Variants in KCNQ1 observed in about 807,000 individuals in gnomAD.
KCNQ1 encodes the protein potassium voltage-gated channel subfamily KQT member 1.
KCNQ1 carries 49 observed loss-of-function variants against 72.4 expected under a neutral mutation model. The observed-to-expected ratio is 0.68, with a 90% CI of 0.54 to 0.86. The LOEUF (loss-of-function observed/expected upper bound fraction) is 0.86. Ranked by LOEUF, KCNQ1 falls within the 40% of genes least tolerant of loss-of-function variation. The probability of loss-of-function intolerance (pLI) is 0.00; values close to 1 mark genes in which losing one functional copy is unlikely to be tolerated. For missense variants in KCNQ1, 790 were observed against 945.1 expected (o/e 0.84, Z 2.15); for synonymous variants, 450 against 412.6 (o/e 1.09, Z -1.10).
chr11:2,792,634 G>A (rs956590264), intron 15 of KCNQ1, among the ~76,000 whole-genome samples: 2 of 152,016 alleles, frequency 1.3e-5, no homozygotes, highest in Non-Finnish European at 2.9e-5. Flanking sequence ...AGGGCACAGC[G>A]GTTGTGGGGT....
intron 11 of KCNQ1, among the ~76,000 whole-genome samples, chr11:2,705,641 A>C (rs1349535586): frequency 6.6e-6 from 1 of 152,040 alleles, no homozygotes; most frequent in African/African-American, 2.4e-5. Flanking sequence ...GCTGCCCCCC[A>C]GCCAAGAACA....
rs755963890 is a variant in KCNQ1 at position 2,451,595 on chromosome 11, C to G, written c.386+6111C>G. Among the ~76,000 whole-genome samples, 1 of 152,150 alleles carries G rather than the reference C, an allele frequency of 6.6e-6. No homozygotes were observed. The highest frequency in any genetic ancestry group is 1.5e-5 in the Non-Finnish European group (1 of 68,024). On this transcript the variant is annotated intron_variant, in intron 1 of 15. Transcript: ENST00000155840. This position sits in a 1 kb window ranked among gnomAD's most constrained non-coding sequence, Gnocchi z 6.4. ...AAAGGCTCCCAGGAGGGTCGTGGCT[C>G]CCTCATCGGCACCGGACTCTCAGGA...
Position 2,454,222 on chromosome 11 carries a change from C to CG in KCNQ1, c.386+8746dup, listed in dbSNP as rs553611402. On this transcript the variant is annotated intron_variant, in intron 1 of 15. Coordinates refer to ENST00000155840, the MANE Select transcript of KCNQ1 (RefSeq NM_000218.3). ...TTAAAAGTTTACCTCAAAAGGGTGG[C>CG]GGGGGGGGAGGTGGCATATGGAATC... 1.5e-3 allele frequency among the ~76,000 whole-genome samples: 228 copies of CG among 150,016 alleles called. No individual in the cohort carries two copies. In the South Asian group the frequency reaches 0.024, roughly 16 times the overall value.
chr11:2,554,483 G>T (rs77914331), intron 2 of KCNQ1, among the ~76,000 whole-genome samples: 1,749 of 152,332 alleles, frequency 0.011, 36 homozygotes, highest in African/African-American at 0.04. Flanking sequence ...TGTGGGGTTT[G>T]CAGACCTCTG....
At chr11:2,586,068 G>A (rs1410656610) in intron 8 of KCNQ1, among the ~76,000 whole-genome samples, 2 of 152,220 alleles carry the variant, frequency 1.3e-5, no homozygotes, top group Admixed American at 6.5e-5. Context: ...AGGAACAGCC[G>A]CTGAGGTGCC....
intron 10 of KCNQ1, among the ~76,000 whole-genome samples, 165 bp downstream of exon 10, chr11:2,589,019 G>T (rs1411269384): frequency 2.6e-5 from 4 of 152,196 alleles, no homozygotes; most frequent in Non-Finnish European, 5.9e-5. Flanking sequence ...AACCTTCCAG[G>T]TGCCTTCCCC....
chr11:2,503,227 T>C (rs926444054), intron 1 of KCNQ1, among the ~76,000 whole-genome samples: 1 of 151,826 alleles, frequency 6.6e-6, no homozygotes, highest in Non-Finnish European at 1.5e-5. Flanking sequence ...AAGGAAACAA[T>C]GAGACAGCCT....
At chr11:2,450,000 C>G (rs1172348796) in intron 1 of KCNQ1, among the ~76,000 whole-genome samples, 1 of 152,178 alleles carries the variant, frequency 6.6e-6, no homozygotes, top group Non-Finnish European at 1.5e-5. Flanking sequence ...GCCACCGGTC[C>G]CTGTAGCCAA....
intron 1 of KCNQ1, among the ~76,000 whole-genome samples, chr11:2,512,566 C>A (rs1847227610): frequency 6.6e-6 from 1 of 152,226 alleles, no homozygotes. Flanking sequence ...GTTGAAGTGT[C>A]CCGCAGTGGC....
In KCNQ1 at chr11:2,808,053, G is replaced by T. The variant is rs1397952841; in HGVS notation, c.1794+30016G>T. Among the ~76,000 whole-genome samples the T allele has an allele frequency of 6.6e-6, 1 of 152,210 alleles. No homozygotes were observed. The highest frequency in any genetic ancestry group is 1.5e-5 in the Non-Finnish European group (1 of 68,038). ...CTCCCCACTGAGCACCTGGCCCAGT[G>T]CCCGGCACGTGGCAAGTGAAGGCGG... On this transcript the variant is annotated intron_variant, in intron 15 of 15. Transcript: ENST00000155840. The surrounding 1 kb of genome is among the most constrained non-coding windows in gnomAD (Gnocchi z 6.0).
chr11:2,580,202 C>T (rs761895355), intron 6 of KCNQ1, among the ~76,000 whole-genome samples: 3 of 151,974 alleles, frequency 2.0e-5, no homozygotes, highest in Non-Finnish European at 2.9e-5. Flanking sequence ...GCCGCCCAGC[C>T]CCCCTCAGGC....
At chr11:2,640,958 A>C (rs1181314184) in intron 10 of KCNQ1, 1 of 398,492 alleles carries the variant, frequency 2.5e-6, no homozygotes, top group African/African-American at 2.1e-5. Context: ...TAAAATAATG[A>C]CCTCCAGCTC....
At position 2,670,305 on chromosome 11, in the gene KCNQ1, G is replaced by C. The variant is rs147023822; in HGVS notation, c.1514+8224G>C. 365 of 398,594 alleles carry C rather than the reference G, an allele frequency of 9.2e-4. No homozygotes were observed. The highest frequency in any genetic ancestry group is 7.0e-3 in the African/African-American group (342 of 48,728). The allele number at this position is 398,594 out of a possible 1,614,324, so 24.7% of individuals were successfully genotyped here. A position where few individuals can be genotyped will look rare whatever the true frequency, so the allele number is the denominator to read the frequency against. On this transcript the variant is annotated intron_variant, in intron 11 of 15. Transcript: ENST00000155840. This position sits in a 1 kb window ranked among gnomAD's most constrained non-coding sequence, Gnocchi z 4.9. ...AGGCAACCCATAGGTGCCCAATGGA[G>C]AGATAATCTCAAATATGGTAGCAGA...
Position 2,785,776 on chromosome 11 carries a change from C to T in KCNQ1, c.1794+7739C>T, listed in dbSNP as rs1846899436. Among the ~76,000 whole-genome samples, 1 of 151,912 alleles carries T rather than the reference C, an allele frequency of 6.6e-6. No individual in the cohort carries two copies. Among genetic ancestry groups the T allele is most frequent in the Non-Finnish European group, 1.5e-5 (1 of 67,864 alleles). On this transcript the variant is annotated intron_variant, in intron 15 of 15. Coordinates refer to ENST00000155840, the MANE Select transcript of KCNQ1 (RefSeq NM_000218.3). This position sits in a 1 kb window ranked among gnomAD's most constrained non-coding sequence, Gnocchi z 4.4. The stretch of plus-strand genomic sequence containing the variant: ...ACTTCTCATTCTACTTTTCTCTCTA[C>T]TGGTTTTGAAGTTATGTATTCTACT...
chr11:2,549,494 C>A lies in KCNQ1; in HGVS notation c.478-21134C>A, dbSNP rs1399003465. Among the ~76,000 whole-genome samples the A allele has an allele frequency of 6.6e-6, 1 of 152,176 alleles. No individual in the cohort carries two copies. Among genetic ancestry groups the A allele is most frequent in the African/African-American group, 2.4e-5 (1 of 41,452 alleles). On this transcript the variant is annotated intron_variant, in intron 2 of 15. Coordinates refer to ENST00000155840, the MANE Select transcript of KCNQ1 (RefSeq NM_000218.3). The surrounding 1 kb of genome is among the most constrained non-coding windows in gnomAD (Gnocchi z 6.2). The stretch of plus-strand genomic sequence containing the variant: ...GACATGGGGCCCTCGAGGAGGGTCC[C>A]CCGGGGGCTGCAAAAGCAGAGGGAG...
intron 15 of KCNQ1, among the ~76,000 whole-genome samples, chr11:2,806,788 C>T (rs1847382045): frequency 6.6e-6 from 1 of 152,236 alleles, no homozygotes; most frequent in South Asian, 2.1e-4. Context: ...CCCCTCCCCG[C>T]CCCTCTCTTG....
At chr11:2,730,614 G>A (rs1471508000) in intron 11 of KCNQ1, among the ~76,000 whole-genome samples, 6 of 152,212 alleles carry the variant, frequency 3.9e-5, no homozygotes, top group Admixed American at 6.5e-5. Flanking sequence ...GGAGGCCCCA[G>A]GAGGCAGGTG....
intron 2 of KCNQ1, among the ~76,000 whole-genome samples, chr11:2,533,232 C>G (rs571519450): frequency 1.2e-4 from 18 of 152,342 alleles, no homozygotes; most frequent in African/African-American, 4.1e-4. Context: ...CTAAGGAAAC[C>G]CCAGCGCGGC....
At chr11:2,609,040 A>G (rs1429020277) in intron 10 of KCNQ1, 1 of 397,782 alleles carries the variant, frequency 2.5e-6, no homozygotes, top group East Asian at 3.6e-5. Context: ...TTCTACTCTA[A>G]TATTTATTAT....
Sources: gnomAD v4.1 joint callset for allele counts (sites outside exome capture counted in the v4.1 genomes callset) on GRCh38, gnomAD v4.1.1 for gene constraint, Gnocchi (gnomAD v3.1) non-coding constraint, MANE v1.5 for transcripts, NCBI Gene and HGNC (gene_info 2026-07-23, HGNC 2026-07-21) for gene names.